The following CTXND2 variants were observed in gnomAD, a reference collection of about 807,000 sequenced individuals.
CTXND2 encodes cortexin domain containing 2.
At chr1:150,887,499 C>A (rs587657401) in intron 1 of CTXND2, among the ~76,000 whole-genome samples, 186 bp downstream of exon 1, 1 of 152,068 alleles carries the variant, frequency 6.6e-6, no homozygotes, top group African/African-American at 2.4e-5. Context: ...TGCTATGTTG[C>A]CCAGACTGAA....
At chr1:150,910,447 T>C (rs1019953323) in intron 1 of CTXND2, among the ~76,000 whole-genome samples, 1 of 151,964 alleles carries the variant, frequency 6.6e-6, no homozygotes, top group East Asian at 1.9e-4. Context: ...TCAATTTCTG[T>C]TGAAACAAAA....
chr1:150,904,113 AG>A, intron 1 of CTXND2: 5 of 664,068 alleles, frequency 7.5e-6, no homozygotes, highest in South Asian at 6.8e-5. Flanking sequence ...GAAAATCCCA[AG>A]AAGTACATCC....
exon 2 of CTXND2, chr1:150,913,202 C>G (rs1465922342): frequency 6.6e-6 from 1 of 152,162 alleles, no homozygotes; most frequent in African/African-American, 2.4e-5. Flanking sequence ...CCTAGAGATT[C>G]TGGTACCCCA....
chr1:150,899,293 A>T (rs1028053831), intron 1 of CTXND2, among the ~76,000 whole-genome samples: 1 of 151,970 alleles, frequency 6.6e-6, no homozygotes, highest in Admixed American at 6.6e-5. Context: ...TAAAAATTTT[A>T]GCCAGGCATA....
At chr1:150,904,225 T>G in intron 1 of CTXND2, 1 of 594,984 alleles carries the variant, frequency 1.7e-6, no homozygotes. Context: ...AATTGGCCAC[T>G]GCCTTATTTA....
chr1:150,887,306 C>T lies in CTXND2; in HGVS notation c.-81C>T, dbSNP rs1479427562. On this transcript the variant is annotated 5_prime_UTR_variant, in exon 1 of 2. Transcript: ENST00000636087. ...GTGAATGTAGCCTTGGATATCCGCT[C>T]TCAGAAGGTAGGTAACTACCCACAT... 3 of 152,256 alleles carry T rather than the reference C, an allele frequency of 2.0e-5. No individual in the cohort carries two copies. In the East Asian group the frequency reaches 5.8e-4, roughly 29 times the overall value. The allele number at this position is 152,256 out of a possible 1,614,324, so 9.4% of individuals were successfully genotyped here. A position where few individuals can be genotyped will look rare whatever the true frequency, so the allele number is the denominator to read the frequency against.
chr1:150,909,111 G>A (rs79269891), intron 1 of CTXND2, among the ~76,000 whole-genome samples: 11,265 of 150,784 alleles, frequency 0.075, 1,440 homozygotes, highest in African/African-American at 0.26. Flanking sequence ...TGGTGGGGGC[G>A]CCTATAATCC....
intron 1 of CTXND2, 84 bp downstream of exon 1, chr1:150,887,397 G>A (rs1021941685): frequency 1.6e-4 from 25 of 152,100 alleles, no homozygotes; most frequent in Admixed American, 1.3e-3. Context: ...ATAGCACCTT[G>A]CTATGAACTT....
chr1:150,900,312 G>A (rs935339243), intron 1 of CTXND2, among the ~76,000 whole-genome samples: 1 of 151,544 alleles, frequency 6.6e-6, no homozygotes, highest in African/African-American at 2.4e-5. Flanking sequence ...TCACTGCGAA[G>A]GTCTGCGGCT....
intron 1 of CTXND2, among the ~76,000 whole-genome samples, chr1:150,909,521 C>A (rs1411768922): frequency 6.6e-6 from 1 of 152,126 alleles, no homozygotes; most frequent in Non-Finnish European, 1.5e-5. Context: ...GGCACCATAG[C>A]ACTCCAGCCT....
chr1:150,903,938 T>C, intron 1 of CTXND2: 1 of 648,026 alleles, frequency 1.5e-6, no homozygotes, highest in South Asian at 1.4e-5. Flanking sequence ...TGTTCAGAAG[T>C]GTGCCCAGTG....
chr1:150,891,369 A>G (rs1239709600), intron 1 of CTXND2, among the ~76,000 whole-genome samples: 1 of 151,932 alleles, frequency 6.6e-6, no homozygotes, highest in East Asian at 1.9e-4. Flanking sequence ...ACCCGCCACC[A>G]TGCCTGGCTA....
intron 1 of CTXND2, among the ~76,000 whole-genome samples, chr1:150,888,951 G>A (rs587770761): frequency 1.3e-4 from 19 of 151,944 alleles, no homozygotes; most frequent in Admixed American, 1.2e-3. Context: ...CAATCCACCC[G>A]CCTCAGCCTC....
At chr1:150,912,663 G>A (rs1219668369) in exon 2 of CTXND2, 2 of 391,504 alleles carry the variant, frequency 5.1e-6, no homozygotes, top group Non-Finnish European at 9.0e-6. Flanking sequence ...TGAGATAAAG[G>A]TTGAATTTAT....
At chr1:150,893,408 T>C (rs1419331404) in intron 1 of CTXND2, among the ~76,000 whole-genome samples, 1 of 152,216 alleles carries the variant, frequency 6.6e-6, no homozygotes, top group East Asian at 1.9e-4. Context: ...GTTCCTGATT[T>C]TAAAAGGAAA....
At chr1:150,897,800 T>G (rs1358408713) in intron 1 of CTXND2, among the ~76,000 whole-genome samples, 1 of 152,196 alleles carries the variant, frequency 6.6e-6, no homozygotes. Context: ...TTTACCAATA[T>G]TTCCATACTT....
chr1:150,890,748 C>G (rs1247292996), intron 1 of CTXND2, among the ~76,000 whole-genome samples: 2 of 152,060 alleles, frequency 1.3e-5, no homozygotes, highest in Non-Finnish European at 2.9e-5. Flanking sequence ...GGTGATCCAC[C>G]CGCCTCGGCA....
chr1:150,887,730 C>A (rs1350411728), intron 1 of CTXND2, among the ~76,000 whole-genome samples: 1 of 152,076 alleles, frequency 6.6e-6, no homozygotes. Flanking sequence ...GTTTCTTCAC[C>A]ATCATCTCTC....
chr1:150,899,254 G>C (rs1479527127), intron 1 of CTXND2, among the ~76,000 whole-genome samples: 4 of 152,062 alleles, frequency 2.6e-5, no homozygotes, highest in Non-Finnish European at 5.9e-5. Context: ...GGGTAACATA[G>C]CAAGACCCCC....
Sources: gnomAD v4.1 joint callset for allele counts (sites outside exome capture counted in the v4.1 genomes callset) on GRCh38, gnomAD v4.1.1 for gene constraint, MANE v1.5 for transcripts, NCBI Gene and HGNC (gene_info 2026-07-23, HGNC 2026-07-21) for gene names.